The following ITGA9 variants were observed in gnomAD, a reference collection of about 807,000 sequenced individuals.
ITGA9 encodes the protein integrin alpha-9.
Under a neutral mutation model 127.8 loss-of-function variants are expected in ITGA9, and 56 were observed. The ratio of observed to expected loss-of-function variants is 0.44; its 90% CI spans 0.35 to 0.55. ITGA9 has a LOEUF of 0.55. Among genes scored for constraint, ITGA9 ranks in the 20% least tolerant of loss-of-function variants. The pLI, the probability that ITGA9 is intolerant of heterozygous loss-of-function variation, is 0.00. For synonymous variants in ITGA9, 508 were observed against 514.5 expected (o/e 0.99, Z 0.17); for missense variants, 1,196 against 1,347.1 (o/e 0.89, Z 1.76).
At chr3:37,558,772 G>A (rs1699455695) in intron 15 of ITGA9, among the ~76,000 whole-genome samples, 1 of 152,120 alleles carries the variant, frequency 6.6e-6, no homozygotes. Context: ...GCATTCCCAT[G>A]CCTTCCAGAC....
chr3:37,470,335 CA>C (rs1698417493), intron 1 of ITGA9, among the ~76,000 whole-genome samples: 1 of 152,108 alleles, frequency 6.6e-6, no homozygotes, highest in Non-Finnish European at 1.5e-5. Context: ...CTGCCACTAG[CA>C]GTGTATGAAG....
At chr3:37,603,155 C>G (rs189365120) in intron 15 of ITGA9, among the ~76,000 whole-genome samples, 2 of 152,268 alleles carry the variant, frequency 1.3e-5, no homozygotes, top group South Asian at 2.1e-4. Flanking sequence ...TAGGCCTTAT[C>G]GAATGGGGTT....
At chr3:37,747,493 T>C (rs1259235795) in intron 22 of ITGA9, among the ~76,000 whole-genome samples, 1 of 152,130 alleles carries the variant, frequency 6.6e-6, no homozygotes, top group Non-Finnish European at 1.5e-5. Context: ...TCTTATTCTT[T>C]CAATTTTTTT....
At chr3:37,637,178 TG>T (rs1245511075) in intron 16 of ITGA9, among the ~76,000 whole-genome samples, 80 of 152,108 alleles carry the variant, frequency 5.3e-4, no homozygotes, top group African/African-American at 1.9e-3. Context: ...AGAAAGTCAT[TG>T]GTAGCTTGAT....
intron 14 of ITGA9, among the ~76,000 whole-genome samples, chr3:37,536,227 T>TTACC (rs1180876428): frequency 6.6e-6 from 1 of 152,220 alleles, no homozygotes; most frequent in Non-Finnish European, 1.5e-5. Context: ...AGACACTGGG[T>TTACC]TACCAGCCTT....
rs2507941 is a variant in ITGA9, at chr3:37,494,565, C to T, written c.609C>T (p.Thr203=). ...SCQAGIAGFF[T]EELVVMGAPG... Reference sequence around the variant, plus strand: ...AGGCTGGGATAGCGGGCTTCTTCACCGAGGTGGGTGTCTGCTGTCTGGGCA... The same window carrying T: ...AGGCTGGGATAGCGGGCTTCTTCACTGAGGTGGGTGTCTGCTGTCTGGGCA... Residue 203 remains threonine, a synonymous_variant, in exon 5 of 28, where the codon ACC becomes ACT. Transcript: ENST00000264741. 88,723 of 1,611,664 alleles carry T rather than the reference C, an allele frequency of 0.055. 2,732 individuals carry two copies. Among genetic ancestry groups the T allele is most frequent in the East Asian group, 0.073 (3,264 of 44,854 alleles).
chr3:37,805,188 C>T (rs1431239662), intron 27 of ITGA9, among the ~76,000 whole-genome samples: 23 of 151,670 alleles, frequency 1.5e-4, no homozygotes, highest in Non-Finnish European at 8.8e-5. Context: ...GTAGCTGGGA[C>T]TACAGGCATG....
intron 18 of ITGA9, among the ~76,000 whole-genome samples, chr3:37,697,883 A>C (rs995270061): frequency 3.3e-5 from 5 of 152,208 alleles, no homozygotes; most frequent in African/African-American, 9.6e-5. Context: ...TGGTGTTTCT[A>C]GTTCTAGATC....
At chr3:37,634,598 A>G (rs1700259666) in intron 16 of ITGA9, among the ~76,000 whole-genome samples, 1 of 152,240 alleles carries the variant, frequency 6.6e-6, no homozygotes, top group South Asian at 2.1e-4. Context: ...CTAAATATAT[A>G]AAGCAAATAT....
chr3:37,674,252 C>T (rs1213514284), intron 17 of ITGA9, among the ~76,000 whole-genome samples: 2 of 152,228 alleles, frequency 1.3e-5, no homozygotes, highest in Non-Finnish European at 2.9e-5. Flanking sequence ...TGGAATAACT[C>T]TCAGATATGG....
At chr3:37,711,772 G>A (rs576583004) in intron 18 of ITGA9, among the ~76,000 whole-genome samples, 3 of 152,282 alleles carry the variant, frequency 2.0e-5, no homozygotes, top group South Asian at 4.2e-4. Context: ...ACTGTACTTA[G>A]GGTCAATGTT....
At chr3:37,811,699 T>G (rs866430615) in intron 27 of ITGA9, among the ~76,000 whole-genome samples, 2 of 152,160 alleles carry the variant, frequency 1.3e-5, no homozygotes, top group Admixed American at 6.5e-5. Context: ...CTCTCTCCCA[T>G]TTGACCCTTT....
chr3:37,709,354 C>A (rs923171492), intron 18 of ITGA9, among the ~76,000 whole-genome samples: 2 of 152,208 alleles, frequency 1.3e-5, no homozygotes, highest in African/African-American at 4.8e-5. Context: ...CTCAAGCATT[C>A]ATCCATCTGG....
intron 11 of ITGA9, among the ~76,000 whole-genome samples, chr3:37,519,839 G>A (rs1394764165): frequency 6.6e-6 from 1 of 152,206 alleles, no homozygotes; most frequent in Non-Finnish European, 1.5e-5. Context: ...CATGGAAGTG[G>A]TGAGTTCTGT....
chr3:37,458,508 G>A (rs1698283806), intron 1 of ITGA9, among the ~76,000 whole-genome samples: 1 of 152,240 alleles, frequency 6.6e-6, no homozygotes, highest in Non-Finnish European at 1.5e-5. Context: ...ATTGGCTGGA[G>A]CTGTCTGGGA....
chr3:37,804,074 C>T, intron 27 of ITGA9, 132 bp downstream of exon 27: 1 of 1,369,940 alleles, frequency 7.3e-7, no homozygotes, highest in Non-Finnish European at 1.0e-6. Flanking sequence ...GACAGTGACC[C>T]TTCAGGCAGG....
chr3:37,532,210 C>T (rs1299976463), intron 13 of ITGA9, among the ~76,000 whole-genome samples: 1 of 152,246 alleles, frequency 6.6e-6, no homozygotes, highest in East Asian at 1.9e-4. Context: ...CCTCTGTTAT[C>T]ACTACTCTCT....
intron 25 of ITGA9, among the ~76,000 whole-genome samples, chr3:37,782,708 G>C (rs529727340): frequency 2.6e-5 from 4 of 152,346 alleles, no homozygotes; most frequent in African/African-American, 9.6e-5. Context: ...AGCAGCGCCA[G>C]CCTTGTGGTT....
At chr3:37,506,146 T>C in intron 7 of ITGA9, 61 bp downstream of exon 7, 2 of 1,263,852 alleles carry the variant, frequency 1.6e-6, no homozygotes, top group Non-Finnish European at 2.3e-6. Context: ...ATGCTGTCCC[T>C]GGTGCAGAGG....
Sources: gnomAD v4.1 joint callset for allele counts (sites outside exome capture counted in the v4.1 genomes callset) on GRCh38, gnomAD v4.1.1 for gene constraint, MANE v1.5 for transcripts, NCBI Gene and HGNC (gene_info 2026-07-23, HGNC 2026-07-21) for gene names.